The following NXPH4 variants were observed in gnomAD, a reference collection of about 807,000 sequenced individuals.
NXPH4 encodes the protein neurexophilin 4.
In NXPH4, 8 loss-of-function variants were observed where a neutral mutation model predicts 21.3. The observed-to-expected ratio is 0.38, with a 90% CI of 0.22 to 0.68. The LOEUF is 0.68. NXPH4 is among the 30% of genes least tolerant of loss of function. The pLI is 0.53. For missense variants in NXPH4, 418 were observed against 416.8 expected, an observed-to-expected ratio of 1.00 and a Z score of -0.03; for synonymous variants, 219 against 192.6, an observed-to-expected ratio of 1.14 and a Z score of -1.13.
intron 1 of NXPH4, among the ~76,000 whole-genome samples, chr12:57,220,661 C>T (rs956606021): frequency 5.3e-5 from 8 of 152,032 alleles, no homozygotes; most frequent in Non-Finnish European, 1.0e-4. Flanking sequence ...ACCTGCCTGG[C>T]CCCCTCCCAC....
intron 1 of NXPH4, among the ~76,000 whole-genome samples, chr12:57,223,887 G>A (rs1011842251): frequency 1.3e-5 from 2 of 152,202 alleles, no homozygotes; most frequent in African/African-American, 4.8e-5. Context: ...TAGAACGGGT[G>A]GGAGCAGGAG....
Position 57,223,791 on chromosome 12 carries a change from G to C in NXPH4, c.58-1087G>C, listed in dbSNP as rs1299361151. On this transcript the variant is annotated intron_variant, in intron 1 of 1. Coordinates refer to ENST00000349394, the MANE Select transcript of NXPH4 (RefSeq NM_007224.4). The stretch of plus-strand genomic sequence containing the variant: ...CCCTACCCCAGATAATTGATGGCCC[G>C]GGCCTGGCCCGGCCGCTCCTGCCTC... Among the ~76,000 whole-genome samples, 19 of 152,244 alleles carry C rather than the reference G, an allele frequency of 1.2e-4. No homozygotes were observed. The East Asian group carries it at 3.1e-3, about 25-fold the overall frequency.
intron 1 of NXPH4, among the ~76,000 whole-genome samples, chr12:57,222,057 A>G (rs79284782): frequency 0.043 from 6,519 of 152,230 alleles, 416 homozygotes; most frequent in African/African-American, 0.14. Flanking sequence ...CGAGCAATCA[A>G]GGGAGCCAGA....
intron 1 of NXPH4, among the ~76,000 whole-genome samples, chr12:57,219,433 C>G (rs943800967): frequency 6.6e-6 from 1 of 152,162 alleles, no homozygotes; most frequent in African/African-American, 2.4e-5. Flanking sequence ...AAGCAGCAGG[C>G]GATCAATAGT....
chr12:57,218,349 T>G (rs1189024747), intron 1 of NXPH4, among the ~76,000 whole-genome samples: 2 of 152,212 alleles, frequency 1.3e-5, no homozygotes, highest in Non-Finnish European at 2.9e-5. Context: ...CCATGAAAAC[T>G]GCTTCCACTA....
In NXPH4 at chr12:57,226,333, C is replaced by G. The variant is rs988073201; in HGVS notation, c.*586C>G. 8.8e-6 allele frequency: 2 copies of G among 227,284 alleles called. No homozygotes were observed. Among genetic ancestry groups the G allele is most frequent in the Admixed American group, 5.7e-5 (1 of 17,576 alleles). 14.1% of individuals were successfully genotyped at this position (227,284 alleles called of 1,614,324 possible). A position where few individuals can be genotyped will look rare whatever the true frequency, so the allele number is the denominator to read the frequency against. On this transcript the variant is annotated 3_prime_UTR_variant, in exon 2 of 2. Coordinates refer to ENST00000349394, the MANE Select transcript of NXPH4 (RefSeq NM_007224.4). ...CCCCGGCCCCTGCCCCTGCCCGCCC[C>G]CCTCCAGTCCAGGCAGTCGAGCTCC...
At chr12:57,220,630 G>C (rs1034763167) in intron 1 of NXPH4, among the ~76,000 whole-genome samples, 1 of 152,102 alleles carries the variant, frequency 6.6e-6, no homozygotes, top group African/African-American at 2.4e-5. Context: ...GTAGGGTCTG[G>C]AAAGAGGTGT....
chr12:57,216,942 A>C lies in NXPH4; in HGVS notation c.-28A>C, dbSNP rs1192536699. ...GCTCCCGCCTGCCCGAGACCCGCCC[A>C]GCCTGCCCCGCTCAGCCGCCAGAGA... On this transcript the variant is annotated 5_prime_UTR_variant, in exon 1 of 2. Coordinates refer to ENST00000349394, the MANE Select transcript of NXPH4 (RefSeq NM_007224.4). The surrounding 1 kb of genome is among the most constrained non-coding windows in gnomAD (Gnocchi z 5.3). 16 of 1,559,006 alleles carry C rather than the reference A, an allele frequency of 1.0e-5. No individual in the cohort carries two copies. The highest frequency in any genetic ancestry group is 4.1e-4 in the Middle Eastern group (2 of 4,888).
Position 57,225,389 on chromosome 12 carries a change from G to A in NXPH4, c.569G>A (p.Gly190Glu). 3 of 1,596,598 alleles carry A rather than the reference G, an allele frequency of 1.9e-6. No individual in the cohort carries two copies. The highest frequency in any genetic ancestry group is 2.7e-5 in the African/African-American group (2 of 74,310). Reference protein sequence around the residue: ...LALEGVLPGLGPPLGMAAAAA... With the variant: ...LALEGVLPGLEPPLGMAAAAA... ...CTGGAGGGGGTGCTTCCTGGGCTGG[G>A]GCCCCCGCTGGGGATGGCAGCAGCA... The change falls in exon 2 of 2, where the codon GGG becomes GAG. Residue 190 changes from glycine to glutamate, a missense_variant. By Grantham distance (98) the Gly-to-Glu change is moderately conservative. Coordinates refer to ENST00000349394, the MANE Select transcript of NXPH4 (RefSeq NM_007224.4).
At chr12:57,218,896 A>AC (rs1391095277) in intron 1 of NXPH4, among the ~76,000 whole-genome samples, 3 of 151,560 alleles carry the variant, frequency 2.0e-5, no homozygotes, top group African/African-American at 4.9e-5. Context: ...GCACATGTAT[A>AC]CCCCGGGGTT....
Position 57,225,771 on chromosome 12 carries a change from G to A in NXPH4, c.*24G>A. ...AGCGCCCCTCCCCAGCCAGTCCTGA[G>A]CCTCCCGCCAAATCCCAGCCTCACT... On this transcript the variant is annotated 3_prime_UTR_variant, in exon 2 of 2. Transcript: ENST00000349394. 1 of 1,593,992 alleles carries A rather than the reference G, an allele frequency of 6.3e-7. No individual in the cohort carries two copies. Among genetic ancestry groups the A allele is most frequent in the African/African-American group, 1.3e-5 (1 of 74,650 alleles).
intron 1 of NXPH4, among the ~76,000 whole-genome samples, chr12:57,222,772 C>T (rs889416171): frequency 1.3e-5 from 2 of 152,194 alleles, no homozygotes; most frequent in African/African-American, 2.4e-5. Flanking sequence ...TTAAGCCTGT[C>T]TGTGGGAGTC....
intron 1 of NXPH4, 86 bp downstream of exon 1, chr12:57,217,112 G>C: frequency 8.2e-7 from 1 of 1,215,186 alleles, no homozygotes; most frequent in Admixed American, 2.1e-5. Flanking sequence ...CCGTGCGCCC[G>C]CCCCGCCCCC....
At position 57,226,002 on chromosome 12, in the gene NXPH4, G is replaced by A. The variant is rs765881868; in HGVS notation, c.*255G>A. 3 of 1,302,158 alleles carry A rather than the reference G, an allele frequency of 2.3e-6. No individual in the cohort carries two copies. The highest frequency in any genetic ancestry group is 3.0e-6 in the Non-Finnish European group (3 of 991,930). The allele number at this position is 1,302,158 out of a possible 1,614,324, so 80.7% of individuals were successfully genotyped here. A position where few individuals can be genotyped will look rare whatever the true frequency, so the allele number is the denominator to read the frequency against. On this transcript the variant is annotated 3_prime_UTR_variant, in exon 2 of 2. Transcript: ENST00000349394. ...ATAAGAGTGCAGCCCCAGAATAGGC[G>A]GGGCTTGGAGGCGGTCCCAATGTCC...
At position 57,226,215 on chromosome 12, in the gene NXPH4, C is replaced by A; in HGVS notation, c.*468C>A. 1 of 391,410 alleles carries A rather than the reference C, an allele frequency of 2.6e-6. No homozygotes were observed. The allele number at this position is 391,410 out of a possible 1,614,324, so 24.2% of individuals were successfully genotyped here. ...GCCTAAAAACCTCGGCCTGTCCTCC[C>A]ACCATTCTGCCTGCCATATGCCTGT... On this transcript the variant is annotated 3_prime_UTR_variant, in exon 2 of 2. Coordinates refer to ENST00000349394, the MANE Select transcript of NXPH4 (RefSeq NM_007224.4).
intron 1 of NXPH4, 136 bp downstream of exon 1, chr12:57,217,162 GGACA>G (rs1205458812): frequency 5.3e-6 from 4 of 759,418 alleles, no homozygotes; most frequent in South Asian, 1.8e-5. Flanking sequence ...CGGGGGAAGC[GGACA>G]GACAGACTGC....
At chr12:57,217,235 G>A (rs1471539507) in intron 1 of NXPH4, among the ~76,000 whole-genome samples, 1 of 152,204 alleles carries the variant, frequency 6.6e-6, no homozygotes, top group Non-Finnish European at 1.5e-5. Flanking sequence ...GAGGGTGCCG[G>A]GCGGAGGTCC....
chr12:57,216,799 CGGCT>C lies in NXPH4; in HGVS notation c.-170_-167del. ...CCCGCCCGCGCCCCGCCCCCAGCGC[CGGCT>C]CCGCGCCTCGCGCCCAGTCCGCGGG... On this transcript the variant is annotated 5_prime_UTR_variant, in exon 1 of 2. Transcript: ENST00000349394. This position sits in a 1 kb window ranked among gnomAD's most constrained non-coding sequence, Gnocchi z 5.3. 1 of 225,088 alleles carries C rather than the reference CGGCT, an allele frequency of 4.4e-6. No individual in the cohort carries two copies. The highest frequency in any genetic ancestry group is 7.2e-6 in the Non-Finnish European group (1 of 138,850). The allele number at this position is 225,088 out of a possible 1,614,324, so 13.9% of individuals were successfully genotyped here. A position where few individuals can be genotyped will look rare whatever the true frequency, so the allele number is the denominator to read the frequency against.
chr12:57,217,178 C>G, intron 1 of NXPH4, 152 bp downstream of exon 1: 4 of 674,138 alleles, frequency 5.9e-6, no homozygotes, highest in Non-Finnish European at 9.6e-6. Context: ...ACAGACTGCC[C>G]GATTCAGGAC....
Sources: allele counts gnomAD v4.1 joint callset (sites outside exome capture counted in the v4.1 genomes callset), GRCh38; gene constraint gnomAD v4.1.1; non-coding constraint Gnocchi (gnomAD v3.1); transcripts MANE v1.5; gene names NCBI Gene and HGNC (gene_info 2026-07-23, HGNC 2026-07-21).